Variants in LCP1 observed in about 807,000 individuals in gnomAD.
LCP1 encodes plastin-2.
In LCP1, 23 loss-of-function variants were observed where a neutral mutation model predicts 72.0. That is an observed-to-expected ratio of 0.32 (90% confidence interval 0.23 to 0.45). The LOEUF is 0.45. LCP1 is among the 20% of genes least tolerant of loss of function. The probability of loss-of-function intolerance (pLI) is 1.00; values close to 1 mark genes in which losing one functional copy is unlikely to be tolerated. For missense variants in LCP1, 571 were observed against 748.3 expected (o/e 0.76, Z 2.76); for synonymous variants, 245 against 275.4 (o/e 0.89, Z 1.09).
At chr13:46,161,786 G>A (rs1345653027) in intron 1 of LCP1, among the ~76,000 whole-genome samples, 3 of 152,180 alleles carry the variant, frequency 2.0e-5, no homozygotes, top group African/African-American at 4.8e-5. Flanking sequence ...CTAAGACCCC[G>A]CATGTTTTGC....
intron 1 of LCP1, among the ~76,000 whole-genome samples, chr13:46,174,617 G>A (rs181453105): frequency 6.6e-5 from 10 of 152,240 alleles, no homozygotes; most frequent in Admixed American, 6.5e-4. Context: ...GCCGAAGTAG[G>A]GGGATCGCCT....
intron 5 of LCP1, among the ~76,000 whole-genome samples, chr13:46,156,011 C>T (rs1254084519): frequency 1.3e-5 from 2 of 152,190 alleles, no homozygotes; most frequent in African/African-American, 4.8e-5. Context: ...TCTGAGCTTA[C>T]ATAATGTCTA....
chr13:46,176,920 A>C (rs1284680403), intron 1 of LCP1, among the ~76,000 whole-genome samples: 3 of 152,016 alleles, frequency 2.0e-5, no homozygotes, highest in Non-Finnish European at 4.4e-5. Context: ...CGAGAGAGAG[A>C]GAGGGAGGGA....
chr13:46,127,098 A>T lies in LCP1; in HGVS notation c.*493T>A, dbSNP rs1409430. ...TCCAAAAGTGTGAGGAGCAAAGTCA[A>T]GGGAGGCAGGGTAGGAAGAGGGGAC... On this transcript the variant is annotated 3_prime_UTR_variant, in exon 16 of 16. Transcript: ENST00000323076. 219,988 of 231,722 alleles carry T rather than the reference A, an allele frequency of 0.95. 104,509 individuals are homozygous for T. The highest frequency in any genetic ancestry group is 0.99 in the African/African-American group (44,671 of 45,308). The allele number at this position is 231,722 out of a possible 1,614,324, so 14.4% of individuals were successfully genotyped here. A position where few individuals can be genotyped will look rare whatever the true frequency, so the allele number is the denominator to read the frequency against.
intron 13 of LCP1, among the ~76,000 whole-genome samples, chr13:46,139,567 G>A (rs9316187): frequency 0.29 from 43,448 of 152,002 alleles, 7,266 homozygotes; most frequent in African/African-American, 0.45. Context: ...AAAATGAATT[G>A]AGTCACACTA....
At chr13:46,151,836 A>G (rs895257042) in intron 7 of LCP1, among the ~76,000 whole-genome samples, 1 of 152,248 alleles carries the variant, frequency 6.6e-6, no homozygotes, top group African/African-American at 2.4e-5. Context: ...TTTGTACCTG[A>G]TAACTAAAAG....
At chr13:46,173,893 AAAAGCC>A in intron 1 of LCP1, among the ~76,000 whole-genome samples, 1 of 152,220 alleles carries the variant, frequency 6.6e-6, no homozygotes, top group Non-Finnish European at 1.5e-5. Flanking sequence ...CAATCTTAAG[AAAAGCC>A]CAACCACATA....
rs759240222 is a variant in LCP1, at chr13:46,126,047, A to G, written c.*1544T>C. Reference sequence around the variant, plus strand: ...ATCATCTGAGGCTACAGTAAGTTCAATCTGAAGTCAAAACCAACCAATTTG... The same window carrying G: ...ATCATCTGAGGCTACAGTAAGTTCAGTCTGAAGTCAAAACCAACCAATTTG... On this transcript the variant is annotated 3_prime_UTR_variant, in exon 16 of 16. Transcript: ENST00000323076. The G allele has an allele frequency of 4.3e-5, 9 of 208,942 alleles. No individual in the cohort carries two copies. The highest frequency in any genetic ancestry group is 1.6e-4 in the African/African-American group (7 of 43,962). The allele number at this position is 208,942 out of a possible 1,614,324, so 12.9% of individuals were successfully genotyped here. A position where few individuals can be genotyped will look rare whatever the true frequency, so the allele number is the denominator to read the frequency against.
At chr13:46,151,187 C>T (rs2045761658) in intron 7 of LCP1, 109 bp from the exon 8 acceptor site, 1 of 1,064,784 alleles carries the variant, frequency 9.4e-7, no homozygotes, top group African/African-American at 1.6e-5. Context: ...AACAACGTTA[C>T]CTCTTTGGGG....
intron 11 of LCP1, 107 bp downstream of exon 11, chr13:46,144,335 G>T: frequency 2.3e-6 from 2 of 872,322 alleles, no homozygotes; most frequent in Non-Finnish European, 3.7e-6. Flanking sequence ...CTTCCAGCAA[G>T]GTATGCACAT....
chr13:46,127,617 T>C lies in LCP1; in HGVS notation c.1858A>G (p.Met620Val), dbSNP rs2138209527. 1 of 1,614,098 alleles carries C rather than the reference T, an allele frequency of 6.2e-7. No individual in the cohort carries two copies. The highest frequency in any genetic ancestry group is 8.5e-7 in the Non-Finnish European group (1 of 1,180,008). The change falls in exon 16 of 16, where the codon ATG (methionine) becomes GTG (valine). Residue 620 changes from methionine to valine, a missense_variant. Physicochemically the swap from Met to Val is conservative, Grantham distance 21. Coordinates refer to ENST00000323076, the MANE Select transcript of LCP1 (RefSeq NM_002298.5). ...KMVMTVFACL[M>V]GKGMKRV is the part of the protein sequence containing the mutation. Reference sequence around the variant, plus strand: ...CACACCCTCTTCATTCCTTTCCCCATGAGGCAGGCAAACACGGTCATGACC... The same window carrying C: ...CACACCCTCTTCATTCCTTTCCCCACGAGGCAGGCAAACACGGTCATGACC...
chr13:46,145,324 A>C (rs1030172982), intron 10 of LCP1, among the ~76,000 whole-genome samples: 1 of 152,242 alleles, frequency 6.6e-6, no homozygotes, highest in African/African-American at 2.4e-5. Context: ...ATGCATTTGA[A>C]TTAAACACGG....
At chr13:46,133,818 C>T (rs1248824361) in intron 14 of LCP1, among the ~76,000 whole-genome samples, 2 of 151,950 alleles carry the variant, frequency 1.3e-5, no homozygotes, top group African/African-American at 2.4e-5. Flanking sequence ...TTTATTTGTA[C>T]CCCAAACCTC....
rs149770746 is a variant in LCP1 at position 46,169,730 on chromosome 13, G to A, written c.-24-10044C>T. On this transcript the variant is annotated intron_variant, in intron 1 of 15. Coordinates refer to ENST00000323076, the MANE Select transcript of LCP1 (RefSeq NM_002298.5). ...CTCCCAAGTAGCTAGGACTACAGGCGTGCACCACCACACCTTGTTGTACAT... is the reference window on the plus strand; with the variant it reads ...CTCCCAAGTAGCTAGGACTACAGGCATGCACCACCACACCTTGTTGTACAT... The A allele has an allele frequency of 2.5e-3, 380 of 152,404 alleles. 3 individuals are homozygous for A. Among genetic ancestry groups the A allele is most frequent in the Middle Eastern group, 6.8e-3 (2 of 294 alleles). 9.4% of individuals were successfully genotyped at this position (152,404 alleles called of 1,614,324 possible). A position where few individuals can be genotyped will look rare whatever the true frequency, so the allele number is the denominator to read the frequency against.
Position 46,126,312 on chromosome 13 carries a change from G to C in LCP1, c.*1279C>G, listed in dbSNP as rs1490880185. On this transcript the variant is annotated 3_prime_UTR_variant, in exon 16 of 16. Coordinates refer to ENST00000323076, the MANE Select transcript of LCP1 (RefSeq NM_002298.5). ...TGCTTTTTAGCCTTCAGTTGGTTTA[G>C]GGGGAAATTGCTCAACCTATGAGAC... The C allele has an allele frequency of 4.4e-6, 1 of 229,422 alleles. No individual in the cohort carries two copies. The highest frequency in any genetic ancestry group is 8.6e-6 in the Non-Finnish European group (1 of 115,660). 14.2% of individuals were successfully genotyped at this position (229,422 alleles called of 1,614,324 possible). A position where few individuals can be genotyped will look rare whatever the true frequency, so the allele number is the denominator to read the frequency against.
intron 1 of LCP1, chr13:46,169,683 C>G (rs2045894965): frequency 6.6e-6 from 1 of 152,520 alleles, no homozygotes; most frequent in African/African-American, 2.4e-5. Flanking sequence ...CTCCTGGACT[C>G]AAGCCACCCT....
intron 13 of LCP1, among the ~76,000 whole-genome samples, chr13:46,137,248 T>C (rs2045670485): frequency 6.6e-6 from 1 of 151,084 alleles, no homozygotes; most frequent in Admixed American, 6.6e-5. Flanking sequence ...AAGAATAGAA[T>C]TAGGCTGGGC....
chr13:46,154,972 T>C (rs2045791762), intron 5 of LCP1, 86 bp from the exon 6 acceptor site: 2 of 981,796 alleles, frequency 2.0e-6, no homozygotes, highest in African/African-American at 3.2e-5. Context: ...AGCAATACCA[T>C]AATCAAAGAA....
At position 46,130,952 on chromosome 13, in the gene LCP1, C is replaced by T; in HGVS notation, c.1627-14G>A. Reference sequence around the variant, plus strand: ...AATCTTCGGGTCCTATGCAGAGACACAGGGAGGGTTTCATCAACGTGTCCC... The same window carrying T: ...AATCTTCGGGTCCTATGCAGAGACATAGGGAGGGTTTCATCAACGTGTCCC... On this transcript the variant is annotated splice_polypyrimidine_tract_variant and intron_variant, in intron 14 of 15. Coordinates refer to ENST00000323076, the MANE Select transcript of LCP1 (RefSeq NM_002298.5). The T allele has an allele frequency of 6.4e-7, 1 of 1,571,554 alleles. No homozygotes were observed. Among genetic ancestry groups the T allele is most frequent in the Non-Finnish European group, 8.6e-7 (1 of 1,164,204 alleles).
Sources: allele counts gnomAD v4.1 joint callset (sites outside exome capture counted in the v4.1 genomes callset), GRCh38; gene constraint gnomAD v4.1.1; transcripts MANE v1.5; gene names NCBI Gene and HGNC (gene_info 2026-07-23, HGNC 2026-07-21).